Variants in MAP7 observed in about 807,000 individuals in gnomAD.
MAP7 encodes microtubule associated protein 7.
MAP7 carries 52 observed loss-of-function variants against 94.8 expected under a neutral mutation model. That is an observed-to-expected ratio of 0.55 (90% CI 0.44 to 0.69). The LOEUF (loss-of-function observed/expected upper bound fraction) is 0.69, where lower values mean the gene tolerates loss of function less well. MAP7 is among the 30% of genes least tolerant of loss of function. MAP7 has a pLI of 0.00. For missense variants in MAP7, 940 were observed against 964.6 expected, an observed-to-expected ratio of 0.97 and a Z score of 0.34; for synonymous variants, 350 against 357.0, an observed-to-expected ratio of 0.98 and a Z score of 0.22.
intron 3 of MAP7, among the ~76,000 whole-genome samples, chr6:136,410,182 G>A (rs116848952): frequency 6.4e-4 from 98 of 152,232 alleles, no homozygotes; most frequent in Non-Finnish European, 1.2e-3. Flanking sequence ...ATGCTCTCCC[G>A]ACCTATGGAA....
chr6:136,485,747 A>G (rs1814505945), intron 1 of MAP7, among the ~76,000 whole-genome samples: 1 of 151,660 alleles, frequency 6.6e-6, no homozygotes, highest in Admixed American at 6.6e-5. Flanking sequence ...TATTTTTAGT[A>G]GAGACGGGGT....
intron 17 of MAP7, among the ~76,000 whole-genome samples, chr6:136,345,384 G>A (rs748183568): frequency 6.6e-6 from 1 of 152,108 alleles, no homozygotes; most frequent in Non-Finnish European, 1.5e-5. Flanking sequence ...TATTACCCAG[G>A]TTGCCAAACC....
intron 16 of MAP7, among the ~76,000 whole-genome samples, chr6:136,356,469 G>A (rs777093423): frequency 1.1e-4 from 16 of 151,986 alleles, no homozygotes; most frequent in Non-Finnish European, 2.2e-4. Context: ...TTGGCCACTT[G>A]TAATATTCTT....
chr6:136,346,108 A>T (rs775141817), intron 16 of MAP7, 29 bp from the exon 17 acceptor site: 1 of 1,426,682 alleles, frequency 7.0e-7, no homozygotes, highest in South Asian at 1.2e-5. Context: ...AAAAATAGAA[A>T]TAAGTTAGTC....
At chr6:136,427,931 T>C (rs1354002496) in intron 1 of MAP7, among the ~76,000 whole-genome samples, 1 of 152,164 alleles carries the variant, frequency 6.6e-6, no homozygotes, top group Non-Finnish European at 1.5e-5. Context: ...ATGACCATGA[T>C]AGAAAATGAT....
At chr6:136,442,075 A>G (rs1798026298) in intron 1 of MAP7, among the ~76,000 whole-genome samples, 2 of 152,086 alleles carry the variant, frequency 1.3e-5, no homozygotes, top group South Asian at 4.1e-4. Flanking sequence ...ATTTCCTGCC[A>G]TGAGTTTTTG....
Position 136,383,683 on chromosome 6 carries a change from A to T in MAP7, c.625T>A (p.Ser209Thr). The T allele has an allele frequency of 6.3e-7, 1 of 1,596,986 alleles. No homozygotes were observed. Among genetic ancestry groups the T allele is most frequent in the East Asian group, 2.3e-5 (1 of 44,330 alleles). Reference protein sequence around the residue: ...LSSSSATLLNSPDRARRLQLS... With the variant: ...LSSSSATLLNTPDRARRLQLS... ...CTTTGGACTGTACCTCTATCTGGAG[A>T]ATTTAGTAAAGTTGCAGATGAAGAG... is the stretch of plus-strand genomic sequence containing the variant. The change falls in exon 6 of 18, where the codon TCT becomes ACT. Residue 209 changes from serine to threonine, a missense_variant. By Grantham distance (58) the Ser-to-Thr change is moderately conservative. Transcript: ENST00000354570.
chr6:136,528,721 A>G (rs569774289), intron 1 of MAP7, among the ~76,000 whole-genome samples: 3 of 152,328 alleles, frequency 2.0e-5, no homozygotes, highest in East Asian at 3.9e-4. Context: ...TAACTAACAC[A>G]TTATCTCCAC....
At chr6:136,416,871 G>T (rs1323009244) in intron 2 of MAP7, among the ~76,000 whole-genome samples, 2 of 152,148 alleles carry the variant, frequency 1.3e-5, no homozygotes, top group African/African-American at 2.4e-5. Flanking sequence ...CAACACTTTG[G>T]GAGGCCAAGG....
At chr6:136,398,321 C>T (rs1783086314) in intron 3 of MAP7, among the ~76,000 whole-genome samples, 1 of 152,236 alleles carries the variant, frequency 6.6e-6, no homozygotes, top group East Asian at 1.9e-4. Flanking sequence ...CCTGACAGGG[C>T]TGCTTTGTGG....
chr6:136,408,251 TC>T (rs775498645), intron 3 of MAP7, among the ~76,000 whole-genome samples: 1 of 152,146 alleles, frequency 6.6e-6, no homozygotes, highest in Non-Finnish European at 1.5e-5. Context: ...AATAAAGCTT[TC>T]AGAGTACAAG....
At chr6:136,430,035 T>G (rs1412940835) in intron 1 of MAP7, among the ~76,000 whole-genome samples, 2 of 152,188 alleles carry the variant, frequency 1.3e-5, no homozygotes, top group Non-Finnish European at 2.9e-5. Context: ...TCTAACCATA[T>G]TAAAGTTTTC....
intron 9 of MAP7, 130 bp downstream of exon 9, chr6:136,366,197 T>C: frequency 9.6e-7 from 1 of 1,043,334 alleles, no homozygotes; most frequent in Non-Finnish European, 1.4e-6. Context: ...CTTTTTTCTT[T>C]CCTTTTGGGA....
intron 1 of MAP7, among the ~76,000 whole-genome samples, chr6:136,440,846 C>T (rs2128845819): frequency 6.6e-6 from 1 of 151,392 alleles, no homozygotes; most frequent in African/African-American, 2.4e-5. Flanking sequence ...AAAAACCCTC[C>T]CCTAACTTCC....
intron 1 of MAP7, among the ~76,000 whole-genome samples, chr6:136,509,416 A>ATT (rs56069303): frequency 0.28 from 42,768 of 151,790 alleles, 8,003 homozygotes; most frequent in African/African-American, 0.53. Flanking sequence ...GAAGCTACTT[A>ATT]TTTTTTTAAG....
chr6:136,411,577 A>G (rs980617543), intron 3 of MAP7, 43 bp downstream of exon 3: 27 of 1,496,392 alleles, frequency 1.8e-5, no homozygotes, highest in Non-Finnish European at 2.4e-5. Flanking sequence ...TATTATAGTG[A>G]CATCCATTCA....
chr6:136,501,723 G>A (rs917988424), intron 1 of MAP7, among the ~76,000 whole-genome samples: 9 of 152,094 alleles, frequency 5.9e-5, no homozygotes, highest in Admixed American at 1.3e-4. Context: ...AACTTTCATC[G>A]CACTCATCCT....
intron 1 of MAP7, among the ~76,000 whole-genome samples, chr6:136,527,032 T>C (rs9402819): frequency 0.12 from 17,502 of 152,022 alleles, 2,506 homozygotes; most frequent in African/African-American, 0.34. Context: ...GAACCTATAC[T>C]GGGGAATTCT....
At chr6:136,501,248 G>A (rs1026077819) in intron 1 of MAP7, among the ~76,000 whole-genome samples, 4 of 152,096 alleles carry the variant, frequency 2.6e-5, no homozygotes, top group East Asian at 1.9e-4. Context: ...ATGAAGCTTC[G>A]GGCAACAGAC....
Sources: allele counts gnomAD v4.1 joint callset (sites outside exome capture counted in the v4.1 genomes callset), GRCh38; gene constraint gnomAD v4.1.1; transcripts MANE v1.5; gene names NCBI Gene and HGNC (gene_info 2026-07-23, HGNC 2026-07-21).